FBXL14: variants seen among roughly 807,000 people sequenced by gnomAD.
FBXL14 encodes the protein F-box/LRR-repeat protein 14.
FBXL14 carries 11 observed loss-of-function variants against 24.5 expected under a neutral mutation model. The observed-to-expected ratio is 0.45, with a 90% CI of 0.28 to 0.74. The LOEUF is 0.74. Among genes scored for constraint, FBXL14 ranks in the 30% least tolerant of loss-of-function variants. The pLI, the probability that FBXL14 is intolerant of heterozygous loss-of-function variation, is 0.12. For missense variants in FBXL14, 384 were observed against 545.6 expected (o/e 0.70, Z 2.95); for synonymous variants, 294 against 240.4 (o/e 1.22, Z -2.06).
intron 1 of FBXL14, among the ~76,000 whole-genome samples, chr12:1,573,688 T>C (rs548165652): frequency 3.9e-5 from 6 of 152,248 alleles, no homozygotes; most frequent in Admixed American, 3.3e-4. Flanking sequence ...TGTCCATGGG[T>C]ACAACATACA....
In FBXL14 at chr12:1,594,546, AG is replaced by A. The variant is rs1219293648; in HGVS notation, c.-481del. 6.8e-6 allele frequency among the ~76,000 whole-genome samples: 1 copy of A among 147,424 alleles called. No individual in the cohort carries two copies. The highest frequency in any genetic ancestry group is 6.7e-5 in the Admixed American group (1 of 14,892). ...GGCGCACGGGCTCCGGGCGCGGAGG[AG>A]GCTTCCTGCTGCCTTTGTCTCTCGC... On this transcript the variant is annotated 5_prime_UTR_variant, in exon 1 of 2. Coordinates refer to ENST00000339235, the MANE Select transcript of FBXL14 (RefSeq NM_152441.3).
rs1485305787 is a variant in FBXL14 at position 1,592,029 on chromosome 12, G to A, written c.1194+844C>T. 2.6e-5 allele frequency among the ~76,000 whole-genome samples: 4 copies of A among 151,928 alleles called. No individual in the cohort carries two copies. In the East Asian group the frequency reaches 7.7e-4, roughly 29 times the overall value. On this transcript the variant is annotated intron_variant, in intron 1 of 1. Coordinates refer to ENST00000339235, the MANE Select transcript of FBXL14 (RefSeq NM_152441.3). ...AATGTGGAAGTGGGGCACACTGGAC[G>A]GATGGAGGCTGGGAAGAAGCCAACA...
intron 1 of FBXL14, among the ~76,000 whole-genome samples, chr12:1,583,829 A>T (rs1236695960): frequency 6.6e-6 from 1 of 152,184 alleles, no homozygotes; most frequent in South Asian, 2.1e-4. Context: ...GAAAAACACA[A>T]GGTCGGACTC....
intron 1 of FBXL14, among the ~76,000 whole-genome samples, chr12:1,585,225 C>T (rs758818597): frequency 1.3e-5 from 2 of 151,982 alleles, no homozygotes; most frequent in African/African-American, 2.4e-5. Flanking sequence ...GGTGAAACCC[C>T]GTCTCTACTA....
rs1281684936 is a variant in FBXL14 at position 1,579,025 on chromosome 12, AGCCT to A, written c.1195-12219_1195-12216del. On this transcript the variant is annotated intron_variant, in intron 1 of 1. Transcript: ENST00000339235. This position sits in a 1 kb window ranked among gnomAD's most constrained non-coding sequence, Gnocchi z 4.3. The stretch of plus-strand genomic sequence containing the variant: ...GACAAGGAGCAGGTGTGCCTCAGCG[AGCCT>A]GTCATTATCTGGGGAGGGGGCTCCA... 3.3e-5 allele frequency among the ~76,000 whole-genome samples: 5 copies of A among 151,994 alleles called. No homozygotes were observed.
intron 1 of FBXL14, among the ~76,000 whole-genome samples, chr12:1,586,188 T>TG (rs1281928287): frequency 2.0e-5 from 3 of 151,800 alleles, no homozygotes; most frequent in African/African-American, 7.3e-5. Context: ...TGGGGTTTTT[T>TG]TTTTTTTTTT....
chr12:1,575,264 G>C (rs369631947), intron 1 of FBXL14, among the ~76,000 whole-genome samples: 1 of 152,192 alleles, frequency 6.6e-6, no homozygotes, highest in East Asian at 1.9e-4. Flanking sequence ...TGAGATAAAA[G>C]TAGTTTGGAT....
At chr12:1,575,920 G>T (rs970596962) in intron 1 of FBXL14, among the ~76,000 whole-genome samples, 1 of 152,192 alleles carries the variant, frequency 6.6e-6, no homozygotes, top group Non-Finnish European at 1.5e-5. Flanking sequence ...CTGTCCTGAG[G>T]AAATGCTCAG....
intron 1 of FBXL14, among the ~76,000 whole-genome samples, chr12:1,573,481 C>T (rs1020195857): frequency 7.9e-5 from 12 of 152,278 alleles, no homozygotes; most frequent in Middle Eastern, 3.4e-3. Context: ...CAGCCACGCA[C>T]GACTAGGGGG....
intron 1 of FBXL14, among the ~76,000 whole-genome samples, chr12:1,575,108 C>T (rs539269263): frequency 5.1e-4 from 78 of 152,194 alleles, no homozygotes; most frequent in South Asian, 4.0e-3. Flanking sequence ...TGAACAGCCT[C>T]AGGACTCTAA....
At position 1,592,190 on chromosome 12, in the gene FBXL14, GTA is replaced by G. The variant is rs576737463; in HGVS notation, c.1194+681_1194+682del. ...AAACGAGGTAGCCAGACATATATAT[GTA>G]TATATATATATATATAATTTATATA... On this transcript the variant is annotated intron_variant, in intron 1 of 1. Transcript: ENST00000339235. Among the ~76,000 whole-genome samples the G allele has an allele frequency of 6.3e-3, 872 of 139,016 alleles. 8 individuals carry two copies. Among genetic ancestry groups the G allele is most frequent in the African/African-American group, 0.021 (804 of 37,920 alleles). The allele number at this position is 139,016 out of a possible 152,430, so 91.2% of individuals were successfully genotyped here. A position where few individuals can be genotyped will look rare whatever the true frequency, so the allele number is the denominator to read the frequency against.
chr12:1,574,042 G>A (rs1455219218), intron 1 of FBXL14, among the ~76,000 whole-genome samples: 1 of 151,956 alleles, frequency 6.6e-6, no homozygotes, highest in Non-Finnish European at 1.5e-5. Flanking sequence ...TGAAATGGTT[G>A]TGTGTGACCA....
At chr12:1,587,403 C>G (rs1189830062) in intron 1 of FBXL14, 1 of 151,930 alleles carries the variant, frequency 6.6e-6, no homozygotes, top group Non-Finnish European at 1.5e-5. Flanking sequence ...TTTAACATAC[C>G]CCACTCTGGT....
chr12:1,594,288 C>T lies in FBXL14; in HGVS notation c.-222G>A. The T allele has an allele frequency of 6.1e-6, 1 of 163,276 alleles. No homozygotes were observed. Among genetic ancestry groups the T allele is most frequent in the South Asian group, 1.7e-4 (1 of 5,866 alleles). 10.1% of individuals were successfully genotyped at this position (163,276 alleles called of 1,614,324 possible). ...CCTTCCTGCCGGCTGCGCCTCCGGC[C>T]CGGCCCTCCCCCGCCCCGGGCTCCG... On this transcript the variant is annotated 5_prime_UTR_variant, in exon 1 of 2. Coordinates refer to ENST00000339235, the MANE Select transcript of FBXL14 (RefSeq NM_152441.3).
intron 1 of FBXL14, among the ~76,000 whole-genome samples, chr12:1,572,825 A>T (rs1300099271): frequency 6.8e-6 from 1 of 147,770 alleles, no homozygotes; most frequent in Non-Finnish European, 1.5e-5. Context: ...AGAAGTGATG[A>T]GGACTGACTT....
rs1422337927 is a variant in FBXL14 at position 1,594,502 on chromosome 12, G to A, written c.-436C>T. Reference sequence around the variant, plus strand: ...GCTGCTCCGCGGGCCGGCGGGCGGCGAGGGGGCCCCGGGGGCCGGGCGCAC... The same window carrying A: ...GCTGCTCCGCGGGCCGGCGGGCGGCAAGGGGGCCCCGGGGGCCGGGCGCAC... On this transcript the variant is annotated 5_prime_UTR_variant, in exon 1 of 2. Coordinates refer to ENST00000339235, the MANE Select transcript of FBXL14 (RefSeq NM_152441.3). 6.8e-6 allele frequency among the ~76,000 whole-genome samples: 1 copy of A among 147,158 alleles called. No individual in the cohort carries two copies. The highest frequency in any genetic ancestry group is 2.4e-5 in the African/African-American group (1 of 40,886).
At chr12:1,573,193 C>G (rs531549901) in intron 1 of FBXL14, among the ~76,000 whole-genome samples, 1 of 152,242 alleles carries the variant, frequency 6.6e-6, no homozygotes, top group Admixed American at 6.5e-5. Flanking sequence ...TGACTCAGAG[C>G]CTTCCAGAGT....
At chr12:1,589,226 A>G (rs1446614264) in intron 1 of FBXL14, among the ~76,000 whole-genome samples, 1 of 55,730 alleles carries the variant, frequency 1.8e-5, no homozygotes, top group African/African-American at 7.4e-5. Context: ...TGTTTCTACA[A>G]AAAAAATACA....
At chr12:1,578,842 T>C (rs1361557431) in intron 1 of FBXL14, among the ~76,000 whole-genome samples, 3 of 152,074 alleles carry the variant, frequency 2.0e-5, no homozygotes, top group East Asian at 1.9e-4. Flanking sequence ...CCCTCCTCCT[T>C]TAAGGAGTCA....
Sources: allele counts gnomAD v4.1 joint callset (sites outside exome capture counted in the v4.1 genomes callset), GRCh38; gene constraint gnomAD v4.1.1; non-coding constraint Gnocchi (gnomAD v3.1); transcripts MANE v1.5; gene names NCBI Gene and HGNC (gene_info 2026-07-23, HGNC 2026-07-21).